The following NAGA variants were observed in gnomAD, a reference collection of about 807,000 sequenced individuals.
The protein encoded by NAGA is alpha-N-acetylgalactosaminidase.
NAGA carries 42 observed loss-of-function variants against 45.6 expected under a neutral mutation model. That is an observed-to-expected ratio of 0.92 (90% CI 0.72 to 1.19). NAGA has a LOEUF of 1.19. Ranked by LOEUF, NAGA falls within the 50% of genes most tolerant of loss-of-function variation. The pLI, the probability that NAGA is intolerant of heterozygous loss-of-function variation, is 0.00. For missense variants in NAGA, 493 were observed against 544.8 expected, an observed-to-expected ratio of 0.90 and a Z score of 0.95; for synonymous variants, 176 against 203.1, an observed-to-expected ratio of 0.87 and a Z score of 1.13.
chr22:42,069,828 A>G (rs1310965290), intron 1 of NAGA, among the ~76,000 whole-genome samples: 1 of 152,160 alleles, frequency 6.6e-6, no homozygotes, highest in Non-Finnish European at 1.5e-5. Flanking sequence ...TTAAGTCGGG[A>G]CCATTGGCCA....
chr22:42,066,781 G>A lies in NAGA; in HGVS notation c.526C>T (p.Leu176=). 1.2e-6 allele frequency: 2 copies of A among 1,606,710 alleles called. No individual in the cohort carries two copies. Among genetic ancestry groups the A allele is most frequent in the Non-Finnish European group, 1.7e-6 (2 of 1,176,864 alleles). ...GCGATGGGGCGGCCTGTGGCATTCAGGGCAGCAGCCATCTTGGGGTACCCT... is the reference window on the plus strand; with the variant it reads ...GCGATGGGGCGGCCTGTGGCATTCAAGGCAGCAGCCATCTTGGGGTACCCT... ...AQGYPKMAAA[L]NATGRPIAFS... The change falls in exon 5 of 9, where the codon CTG becomes TTG. Residue 176 remains leucine, a synonymous_variant. Transcript: ENST00000396398.
In NAGA at chr22:42,067,110, C is replaced by T. The variant is rs199603895; in HGVS notation, c.502+3G>A. ...ACGTGCCCCAGCCAGCTGCGTAACT[C>T]ACCCTGGGCCCGCTCCTCGGGGGTG... On this transcript the variant is annotated splice_donor_region_variant and intron_variant, in intron 4 of 8. Transcript: ENST00000396398. 4.9e-5 allele frequency: 79 copies of T among 1,613,792 alleles called. No individual in the cohort carries two copies. The East Asian group carries it at 8.5e-4, about 17-fold the overall frequency.
chr22:42,070,517 C>A lies in NAGA; in HGVS notation c.-220G>T. 1.5e-6 allele frequency: 1 copy of A among 647,850 alleles called. No individual in the cohort carries two copies. The highest frequency in any genetic ancestry group is 2.8e-6 in the Non-Finnish European group (1 of 354,854). 40.1% of individuals were successfully genotyped at this position (647,850 alleles called of 1,614,324 possible). A position where few individuals can be genotyped will look rare whatever the true frequency, so the allele number is the denominator to read the frequency against. ...CTTCCCGGAGCTTCAGTTCTTCCTTCAGAAATACGAAACAACGTGTCTTGG... is the reference window on the plus strand; with the variant it reads ...CTTCCCGGAGCTTCAGTTCTTCCTTAAGAAATACGAAACAACGTGTCTTGG... On this transcript the variant is annotated 5_prime_UTR_variant, in exon 1 of 9. Transcript: ENST00000396398.
Position 42,070,362 on chromosome 22 carries a change from G to A in NAGA, c.-65C>T. On this transcript the variant is annotated 5_prime_UTR_variant, in exon 1 of 9. An upstream open reading frame in the 5' UTR gains an earlier in-frame stop. Coordinates refer to ENST00000396398, the MANE Select transcript of NAGA (RefSeq NM_000262.3). Reference sequence around the variant, plus strand: ...TCTGCGTGTATCAGCTGTATGTGTTGGGCTCTGGAAGCTAAGAAACGTCTG... The same window carrying A: ...TCTGCGTGTATCAGCTGTATGTGTTAGGCTCTGGAAGCTAAGAAACGTCTG... The A allele has an allele frequency of 4.4e-6, 7 of 1,600,302 alleles. No homozygotes were observed. The highest frequency in any genetic ancestry group is 6.0e-6 in the Non-Finnish European group (7 of 1,167,498).
rs140238609 is a variant in NAGA at position 42,062,997 on chromosome 22, A to T, written c.787T>A (p.Leu263Ile). 181 of 1,614,202 alleles carry T rather than the reference A, an allele frequency of 1.1e-4. 1 individual carries two copies. In the African/African-American group the frequency reaches 2.2e-3, roughly 20 times the overall value. Residue 263 changes from leucine (L) to isoleucine (I), a missense_variant, in exon 7 of 9, where the codon TTA becomes ATA. Physicochemically the swap from Leu to Ile is conservative, Grantham distance 5. Transcript: ENST00000396398. The stretch of plus-strand genomic sequence containing the variant: ...GCCATCTGGGCCCGGGATTGCTCTA[A>T]GCTGAGACCAAAGTTCCCAATGAGC... ...MLLIGNFGLS[L>I]EQSRAQMALW... is the part of the protein sequence containing the mutation.
Position 42,067,192 on chromosome 22 carries a change from A to T in NAGA, c.423T>A (p.Asp141Glu), listed in dbSNP as rs767874505. Reference protein sequence around the residue: ...PGTTLDKVVQDAQTFAEWKVD... With the variant: ...PGTTLDKVVQEAQTFAEWKVD... ...CCTTCCACTCGGCGAAGGTCTGAGC[A>T]TCCTGGACCACCTTGTCCAGTGTGG... Residue 141 changes from aspartate (D) to glutamate (E), a missense_variant, in exon 4 of 9, where the codon GAT becomes GAA. Physicochemically the swap from Asp to Glu is conservative, Grantham distance 45 (BLOSUM62 2). Transcript: ENST00000396398. 4.3e-6 allele frequency: 7 copies of T among 1,614,132 alleles called. No homozygotes were observed. Among genetic ancestry groups the T allele is most frequent in the Non-Finnish European group, 5.9e-6 (7 of 1,179,978 alleles).
intron 6 of NAGA, among the ~76,000 whole-genome samples, chr22:42,063,451 C>T (rs566451099): frequency 6.6e-6 from 1 of 152,044 alleles, no homozygotes; most frequent in Non-Finnish European, 1.5e-5. Context: ...AATAGCCAGA[C>T]AACCATGGCA....
At chr22:42,066,964 T>A in intron 4 of NAGA, 149 bp downstream of exon 4, 1 of 1,406,328 alleles carries the variant, frequency 7.1e-7, no homozygotes, top group South Asian at 1.2e-5. Context: ...TGGGCTATGC[T>A]GCCACTCATA....
At chr22:42,062,795 C>T in intron 7 of NAGA, 32 bp downstream of exon 7, 1 of 1,607,942 alleles carries the variant, frequency 6.2e-7, no homozygotes, top group Non-Finnish European at 8.5e-7. Context: ...AGTTCCTCAG[C>T]CCTCCCCTTC....
intron 1 of NAGA, among the ~76,000 whole-genome samples, chr22:42,070,044 T>C (rs1403911839): frequency 6.6e-6 from 1 of 152,224 alleles, no homozygotes; most frequent in Non-Finnish European, 1.5e-5. Flanking sequence ...TCTCCGCACA[T>C]GCTGATATCC....
At chr22:42,067,559 CTCCAGGGAACCT>C (rs1370763502) in intron 3 of NAGA, among the ~76,000 whole-genome samples, 194 bp downstream of exon 3, 3 of 152,238 alleles carry the variant, frequency 2.0e-5, no homozygotes, top group Non-Finnish European at 4.4e-5. Flanking sequence ...GAAATGCCTC[CTCCAGGGAACCT>C]TCCTAGAATA....
intron 6 of NAGA, among the ~76,000 whole-genome samples, chr22:42,064,339 T>A (rs1394521703): frequency 1.5e-5 from 2 of 133,078 alleles, no homozygotes; most frequent in Non-Finnish European, 3.1e-5. Context: ...AAACTCAGTC[T>A]CTAAATAAAT....
intron 7 of NAGA, among the ~76,000 whole-genome samples, chr22:42,061,800 A>G (rs1041573251): frequency 2.0e-5 from 3 of 151,944 alleles, no homozygotes; most frequent in African/African-American, 7.3e-5. Flanking sequence ...AATACAAAAA[A>G]AATTAGCCGG....
At position 42,062,992 on chromosome 22, in the gene NAGA, C is replaced by G; in HGVS notation, c.792G>C (p.Glu264Asp). The change falls in exon 7 of 9, where the codon GAG becomes GAC. Residue 264 changes from glutamate (E) to aspartate (D), a missense_variant. By Grantham distance (45) the Glu-to-Asp change is conservative. Transcript: ENST00000396398. ...LLIGNFGLSLEQSRAQMALWT... is the reference protein window; with the variant it reads ...LLIGNFGLSLDQSRAQMALWT... Reference sequence around the variant, plus strand: ...ACAGGGCCATCTGGGCCCGGGATTGCTCTAAGCTGAGACCAAAGTTCCCAA... The same window carrying G: ...ACAGGGCCATCTGGGCCCGGGATTGGTCTAAGCTGAGACCAAAGTTCCCAA... 6.2e-7 allele frequency: 1 copy of G among 1,614,224 alleles called. No individual in the cohort carries two copies. The highest frequency in any genetic ancestry group is 1.1e-5 in the South Asian group (1 of 91,088).
Position 42,065,718 on chromosome 22 carries a change from A to C in NAGA, c.759+20T>G. The C allele has an allele frequency of 6.2e-7, 1 of 1,613,282 alleles. No homozygotes were observed. Among genetic ancestry groups the C allele is most frequent in the Non-Finnish European group, 8.5e-7 (1 of 1,179,980 alleles). On this transcript the variant is annotated intron_variant, in intron 6 of 8. Coordinates refer to ENST00000396398, the MANE Select transcript of NAGA (RefSeq NM_000262.3). Reference sequence around the variant, plus strand: ...CGTCACAGATGGTGGGCCTAGGGACATCCCCCTCCATCCTGGTACCATGTC... The same window carrying C: ...CGTCACAGATGGTGGGCCTAGGGACCTCCCCCTCCATCCTGGTACCATGTC...
rs1926992191 is a variant in NAGA at position 42,070,566 on chromosome 22, A to T, written c.-269T>A. Reference sequence around the variant, plus strand: ...GGATGTCAGACCTCACACCCTCTGCAGTGCTGGGAGTCCCGAGGGCCTACG... The same window carrying T: ...GGATGTCAGACCTCACACCCTCTGCTGTGCTGGGAGTCCCGAGGGCCTACG... On this transcript the variant is annotated 5_prime_UTR_variant, in exon 1 of 9. Transcript: ENST00000396398. The T allele has an allele frequency of 1.7e-6, 1 of 582,582 alleles. No individual in the cohort carries two copies. The highest frequency in any genetic ancestry group is 3.1e-6 in the Non-Finnish European group (1 of 324,200). 36.1% of individuals were successfully genotyped at this position (582,582 alleles called of 1,614,324 possible).
At chr22:42,064,555 G>T (rs1043903361) in intron 6 of NAGA, among the ~76,000 whole-genome samples, 3 of 151,020 alleles carry the variant, frequency 2.0e-5, no homozygotes, top group Non-Finnish European at 4.4e-5. Flanking sequence ...TGAGGCAGGA[G>T]AATCGCTTGA....
intron 6 of NAGA, among the ~76,000 whole-genome samples, chr22:42,063,945 T>C (rs1467999327): frequency 6.6e-6 from 1 of 152,186 alleles, no homozygotes; most frequent in Admixed American, 6.5e-5. Flanking sequence ...TTCCAGCTAC[T>C]TGTTCAAGCA....
chr22:42,066,918 C>T (rs1926767908), intron 4 of NAGA, 114 bp from the exon 5 acceptor site: 1 of 1,369,268 alleles, frequency 7.3e-7, no homozygotes. Flanking sequence ...CAGTAGGTGC[C>T]TCCCCACATA....
Sources: allele counts gnomAD v4.1 joint callset (sites outside exome capture counted in the v4.1 genomes callset), GRCh38; gene constraint gnomAD v4.1.1; transcripts MANE v1.5; gene names NCBI Gene and HGNC (gene_info 2026-07-23, HGNC 2026-07-21).